The following ATP2C1 variants were observed in gnomAD, a reference collection of about 807,000 sequenced individuals.
ATP2C1 encodes calcium-transporting ATPase type 2C member 1.
In ATP2C1, 31 loss-of-function variants were observed where a neutral mutation model predicts 120.5. The observed-to-expected ratio is 0.26, with a 90% CI of 0.19 to 0.35. The LOEUF is 0.35. Among genes scored for constraint, ATP2C1 ranks in the 10% least tolerant of loss-of-function variants. The pLI is 1.00. For synonymous variants in ATP2C1, 351 were observed against 358.7 expected (o/e 0.98, Z 0.24); for missense variants, 731 against 1,107.5 (o/e 0.66, Z 4.83).
intron 5 of ATP2C1, 92 bp from the exon 6 acceptor site, chr3:130,937,336 T>G: frequency 9.5e-7 from 1 of 1,048,744 alleles, no homozygotes; most frequent in Middle Eastern, 2.8e-4. Flanking sequence ...AATCTGTTAT[T>G]GTGGGACTGC....
intron 1 of ATP2C1, among the ~76,000 whole-genome samples, chr3:130,883,938 T>G (rs2068871621): frequency 9.1e-6 from 1 of 109,694 alleles, no homozygotes; most frequent in Non-Finnish European, 2.1e-5. Flanking sequence ...TTTCTTTTTC[T>G]TTTCTTCTTT....
At chr3:130,897,178 A>G (rs1388972720) in intron 2 of ATP2C1, among the ~76,000 whole-genome samples, 1 of 152,200 alleles carries the variant, frequency 6.6e-6, no homozygotes, top group African/African-American at 2.4e-5. Flanking sequence ...TGAAGTTGTC[A>G]TTGTTAGTTG....
chr3:130,916,344 A>G (rs1052094811), intron 2 of ATP2C1, among the ~76,000 whole-genome samples: 1 of 152,066 alleles, frequency 6.6e-6, no homozygotes, highest in Admixed American at 6.5e-5. Context: ...TTAACCTGGG[A>G]GGCAGAGGTT....
chr3:130,888,241 G>A (rs569739859), intron 1 of ATP2C1, among the ~76,000 whole-genome samples: 3 of 152,232 alleles, frequency 2.0e-5, no homozygotes, highest in African/African-American at 7.2e-5. Flanking sequence ...CTCTTCATAC[G>A]CAGAGGAGTC....
chr3:130,990,588 G>A (rs999872826), intron 20 of ATP2C1, among the ~76,000 whole-genome samples: 1 of 152,154 alleles, frequency 6.6e-6, no homozygotes, highest in African/African-American at 2.4e-5. Context: ...TGAGAGAGAT[G>A]TGAAATCATT....
At chr3:130,913,488 C>T (rs777950421) in intron 2 of ATP2C1, among the ~76,000 whole-genome samples, 12 of 152,106 alleles carry the variant, frequency 7.9e-5, no homozygotes, top group Non-Finnish European at 1.6e-4. Context: ...TTTCATGTGA[C>T]AGTGTTTATA....
intron 12 of ATP2C1, among the ~76,000 whole-genome samples, chr3:130,961,765 T>C (rs1174920765): frequency 2.6e-5 from 4 of 152,022 alleles, no homozygotes; most frequent in Admixed American, 6.6e-5. Flanking sequence ...TCTACTATAA[T>C]GGCAAAGAGA....
intron 8 of ATP2C1, among the ~76,000 whole-genome samples, chr3:130,952,569 G>C (rs1294618354): frequency 6.6e-6 from 1 of 152,150 alleles, no homozygotes; most frequent in Non-Finnish European, 1.5e-5. Context: ...AGAAAGGCCT[G>C]ATTGAGAATA....
chr3:130,851,413 G>A (rs1488032822), intron 1 of ATP2C1, among the ~76,000 whole-genome samples: 5 of 152,196 alleles, frequency 3.3e-5, no homozygotes, highest in Non-Finnish European at 7.3e-5. Context: ...TTCAGAAGCA[G>A]TTGGTCATTT....
intron 26 of ATP2C1, among the ~76,000 whole-genome samples, chr3:131,012,609 T>G (rs181898262): frequency 2.6e-5 from 4 of 152,248 alleles, no homozygotes; most frequent in African/African-American, 9.6e-5. Context: ...TCCAGTAACA[T>G]TTCTTCTCAA....
At chr3:130,866,740 A>T (rs757865039) in intron 1 of ATP2C1, among the ~76,000 whole-genome samples, 21 of 152,206 alleles carry the variant, frequency 1.4e-4, no homozygotes, top group Non-Finnish European at 2.4e-4. Flanking sequence ...ATAAGTGTCT[A>T]CTCAAAGAAA....
chr3:130,865,749 T>G (rs983266704), intron 1 of ATP2C1, among the ~76,000 whole-genome samples: 1 of 152,338 alleles, frequency 6.6e-6, no homozygotes, highest in Admixed American at 6.5e-5. Context: ...CTTCCCGCCA[T>G]GTTTCTGAGG....
chr3:130,972,474 T>C (rs1015704683), intron 17 of ATP2C1, among the ~76,000 whole-genome samples: 3 of 138,370 alleles, frequency 2.2e-5, no homozygotes, highest in African/African-American at 8.1e-5. Flanking sequence ...TCTTCACTCT[T>C]TTTTTTTTTT....
chr3:131,010,482 C>T lies in ATP2C1; in HGVS notation c.2630-5670C>T, dbSNP rs1269023928. ...GTGCTGGGATTACAGGTGTGAGCCA[C>T]CACGCCCGGCCACCTTTTTCTATCT... On this transcript the variant is annotated intron_variant, in intron 26 of 26. Transcript: ENST00000328560. Among the ~76,000 whole-genome samples the T allele has an allele frequency of 2.3e-4, 35 of 152,186 alleles. 1 individual carries two copies. The highest frequency in any genetic ancestry group is 2.2e-3 in the Admixed American group (34 of 15,278).
At chr3:130,853,087 G>A (rs1885844) in intron 1 of ATP2C1, among the ~76,000 whole-genome samples, 128,790 of 152,132 alleles carry the variant, frequency 0.85, 55,631 homozygotes, top group Non-Finnish European at 0.95. Context: ...TTCTGTATTT[G>A]TACTTAAATC....
intron 1 of ATP2C1, among the ~76,000 whole-genome samples, chr3:130,878,674 ATTTC>A (rs527756233): frequency 6.6e-6 from 1 of 152,018 alleles, no homozygotes; most frequent in Non-Finnish European, 1.5e-5. Flanking sequence ...TTGCCTGACA[ATTTC>A]TTTCTTTCAG....
chr3:130,918,441 G>C lies in ATP2C1; in HGVS notation c.7-11975G>C, dbSNP rs573657241. 4.4e-6 allele frequency: 4 copies of C among 906,156 alleles called. No homozygotes were observed. In the African/African-American group the frequency reaches 4.9e-5, roughly 11 times the overall value. 56.1% of individuals were successfully genotyped at this position (906,156 alleles called of 1,614,324 possible). A position where few individuals can be genotyped will look rare whatever the true frequency, so the allele number is the denominator to read the frequency against. On this transcript the variant is annotated intron_variant, in intron 2 of 27. Coordinates refer to ENST00000510168, the MANE Select transcript of ATP2C1 (RefSeq NM_001378687.1). ...AGCATGTACGGAATCCCCACATCTG[G>C]AACACTTCTCAGCACCTCTGTATTT... is the stretch of plus-strand genomic sequence containing the variant.
chr3:131,005,947 C>CGT (rs141641981), downstream of ATP2C1, among the ~76,000 whole-genome samples: 13 of 151,228 alleles, frequency 8.6e-5, no homozygotes, highest in East Asian at 3.9e-4. Flanking sequence ...GAGGTGAGAG[C>CGT]GTGTGTGTGT....
chr3:130,951,187 G>C (rs1427482367), intron 8 of ATP2C1, among the ~76,000 whole-genome samples: 1 of 152,034 alleles, frequency 6.6e-6, no homozygotes, highest in East Asian at 1.9e-4. Context: ...TTTGCTTTAT[G>C]TGTTATACTG....
Sources: gnomAD v4.1 joint callset for allele counts (sites outside exome capture counted in the v4.1 genomes callset) on GRCh38, gnomAD v4.1.1 for gene constraint, MANE v1.5 for transcripts, NCBI Gene and HGNC (gene_info 2026-07-23, HGNC 2026-07-21) for gene names.